Variants in VPS8 observed in about 807,000 individuals in gnomAD.
VPS8 encodes vacuolar protein sorting-associated protein 8 homolog.
A neutral mutation model predicts 216.4 loss-of-function variants in VPS8; 129 were observed. The ratio of observed to expected loss-of-function variants is 0.60; its 90% CI spans 0.52 to 0.69. The LOEUF (loss-of-function observed/expected upper bound fraction) is 0.69. Ranked by LOEUF, VPS8 falls within the 30% of genes least tolerant of loss-of-function variation. The pLI is 0.00. For missense variants in VPS8, 1,531 were observed against 1,683.5 expected, an observed-to-expected ratio of 0.91 and a Z score of 1.59; for synonymous variants, 571 against 565.4, an observed-to-expected ratio of 1.01 and a Z score of -0.14.
chr3:184,917,722 A>G lies in VPS8; in HGVS notation c.2382+2248A>G, dbSNP rs541276016. On this transcript the variant is annotated intron_variant, in intron 28 of 47. Transcript: ENST00000625842. Reference sequence around the variant, plus strand: ...CACCTGGCCAAAATTTGGACTTTATACTACAGCAGTTGGTAGCAATTGAAG... The same window carrying G: ...CACCTGGCCAAAATTTGGACTTTATGCTACAGCAGTTGGTAGCAATTGAAG... Among the ~76,000 whole-genome samples the G allele has an allele frequency of 7.0e-4, 107 of 152,346 alleles. 1 individual carries two copies. Among genetic ancestry groups the G allele is most frequent in the African/African-American group, 2.5e-3 (103 of 41,584 alleles).
At chr3:184,964,995 T>G (rs1291838076) in intron 38 of VPS8, among the ~76,000 whole-genome samples, 1 of 152,142 alleles carries the variant, frequency 6.6e-6, no homozygotes, top group Non-Finnish European at 1.5e-5. Context: ...ATTTTTAATT[T>G]TTTGAGGAAT....
At chr3:184,997,077 G>A (rs1752713673) in intron 44 of VPS8, among the ~76,000 whole-genome samples, 1 of 152,186 alleles carries the variant, frequency 6.6e-6, no homozygotes, top group South Asian at 2.1e-4. Flanking sequence ...AGTTATTCAA[G>A]TCAGAAATCT....
intron 45 of VPS8, among the ~76,000 whole-genome samples, chr3:185,004,855 T>C (rs1463009494): frequency 6.6e-6 from 1 of 152,128 alleles, no homozygotes; most frequent in East Asian, 1.9e-4. Flanking sequence ...GTGCAGAACC[T>C]TTTTAGTTTA....
intron 1 of VPS8, 158 bp downstream of exon 1, chr3:184,812,383 G>A (rs1456942724): frequency 6.6e-6 from 1 of 152,216 alleles, no homozygotes. Context: ...AGCCCCTGAC[G>A]GGCTAACCGG....
intron 25 of VPS8, among the ~76,000 whole-genome samples, chr3:184,904,143 T>C (rs896290526): frequency 6.6e-6 from 1 of 152,200 alleles, no homozygotes; most frequent in Non-Finnish European, 1.5e-5. Context: ...TTCTTAGAAC[T>C]TTTTAAGGAA....
At chr3:185,048,604 G>A (rs3821751) in intron 47 of VPS8, 45 bp downstream of exon 47, 717,631 of 1,604,588 alleles carry the variant, frequency 0.45, 163,276 homozygotes, top group East Asian at 0.65. Flanking sequence ...CCTATTTATA[G>A]TTTACTGCTT....
chr3:184,833,742 T>G (rs866870266), intron 4 of VPS8, among the ~76,000 whole-genome samples: 78 of 152,336 alleles, frequency 5.1e-4, no homozygotes, highest in African/African-American at 1.6e-3. Flanking sequence ...TCTTCATATT[T>G]CTGCCTGTGC....
intron 1 of VPS8, 166 bp downstream of exon 1, chr3:184,812,391 C>G (rs1470014684): frequency 6.6e-6 from 1 of 152,180 alleles, no homozygotes; most frequent in African/African-American, 2.4e-5. Context: ...ACGGGCTAAC[C>G]GGACCCGAGC....
chr3:184,960,145 A>G (rs995241949), intron 37 of VPS8, among the ~76,000 whole-genome samples: 3 of 152,176 alleles, frequency 2.0e-5, no homozygotes, highest in Non-Finnish European at 2.9e-5. Flanking sequence ...AGCTTCATCC[A>G]TGTCCCTACA....
intron 38 of VPS8, among the ~76,000 whole-genome samples, chr3:184,964,818 A>G (rs963184425): frequency 3.9e-5 from 6 of 152,156 alleles, no homozygotes; most frequent in African/African-American, 1.2e-4. Context: ...ATATACCACA[A>G]TCTGTTTGCC....
intron 39 of VPS8, among the ~76,000 whole-genome samples, chr3:184,968,418 C>T (rs1396767632): frequency 1.3e-5 from 2 of 152,186 alleles, no homozygotes; most frequent in Non-Finnish European, 2.9e-5. Context: ...ATTGCTGGAT[C>T]AAGCATTAAT....
chr3:185,000,146 C>T (rs1413089019), intron 45 of VPS8, among the ~76,000 whole-genome samples: 1 of 152,132 alleles, frequency 6.6e-6, no homozygotes, highest in East Asian at 1.9e-4. Context: ...GCTTTTAAGA[C>T]CTTTTGATAG....
intron 21 of VPS8, among the ~76,000 whole-genome samples, chr3:184,877,703 C>G (rs908990745): frequency 6.6e-6 from 1 of 152,156 alleles, no homozygotes; most frequent in East Asian, 1.9e-4. Context: ...GCTCAGGAGC[C>G]TCGACCCTGT....
intron 8 of VPS8, among the ~76,000 whole-genome samples, chr3:184,846,521 G>A (rs1433803079): frequency 3.9e-5 from 6 of 152,160 alleles, no homozygotes; most frequent in East Asian, 1.9e-4. Flanking sequence ...GAAATAGTCC[G>A]ATTTAAAGTA....
At chr3:184,954,726 G>A (rs377605578) in intron 36 of VPS8, among the ~76,000 whole-genome samples, 1 of 152,012 alleles carries the variant, frequency 6.6e-6, no homozygotes, top group African/African-American at 2.4e-5. Context: ...TCTATTCTTC[G>A]TTTTTGTGGG....
intron 35 of VPS8, among the ~76,000 whole-genome samples, chr3:184,936,957 T>C (rs1741763245): frequency 6.6e-6 from 1 of 152,134 alleles, no homozygotes; most frequent in African/African-American, 2.4e-5. Context: ...CAGGTTGGTC[T>C]TGATCTCCTG....
chr3:184,846,912 G>C (rs973076641), intron 8 of VPS8, among the ~76,000 whole-genome samples: 6 of 152,108 alleles, frequency 3.9e-5, no homozygotes, highest in Non-Finnish European at 4.4e-5. Flanking sequence ...AGGTAGTTTT[G>C]GAAGAGCAAA....
chr3:184,827,969 G>C (rs545653318), intron 3 of VPS8, among the ~76,000 whole-genome samples: 7 of 152,280 alleles, frequency 4.6e-5, no homozygotes, highest in Admixed American at 6.5e-5. Flanking sequence ...TAAGGGGGCT[G>C]TGGGGAGTAC....
chr3:184,815,652 A>G (rs1364222477), intron 1 of VPS8: 1 of 152,048 alleles, frequency 6.6e-6, no homozygotes, highest in African/African-American at 2.4e-5. Context: ...CTGCTCCGCT[A>G]GCTAGGCAGA....
Sources: gnomAD v4.1 joint callset for allele counts (sites outside exome capture counted in the v4.1 genomes callset) on GRCh38, gnomAD v4.1.1 for gene constraint, MANE v1.5 for transcripts, NCBI Gene and HGNC (gene_info 2026-07-23, HGNC 2026-07-21) for gene names.